Variants in MMS22L observed in about 807,000 individuals in gnomAD.
MMS22L encodes MMS22 like, DNA repair protein.
MMS22L carries 74 observed loss-of-function variants against 159.1 expected under a neutral mutation model. That is an observed-to-expected ratio of 0.47 (90% CI 0.39 to 0.56). The LOEUF is 0.56. Among genes scored for constraint, MMS22L ranks in the 20% least tolerant of loss-of-function variants. The probability of loss-of-function intolerance (pLI) is 0.00; values close to 1 mark genes in which losing one functional copy is unlikely to be tolerated. For missense variants in MMS22L, 1,351 were observed against 1,422.1 expected (o/e 0.95, Z 0.80); for synonymous variants, 517 against 506.9 (o/e 1.02, Z -0.27).
intron 9 of MMS22L, among the ~76,000 whole-genome samples, chr6:97,256,316 C>T (rs961322963): frequency 1.6e-4 from 24 of 152,078 alleles, no homozygotes; most frequent in African/African-American, 4.3e-4. Flanking sequence ...TTATGTCCTA[C>T]TCACTTTAGA....
At chr6:97,211,419 T>C (rs999753153) in intron 14 of MMS22L, among the ~76,000 whole-genome samples, 7 of 152,110 alleles carry the variant, frequency 4.6e-5, no homozygotes, top group African/African-American at 9.6e-5. Context: ...TTCTGTGTTA[T>C]AGGCTTTTCA....
At chr6:97,188,140 T>C (rs1171861210) in intron 14 of MMS22L, among the ~76,000 whole-genome samples, 1 of 152,184 alleles carries the variant, frequency 6.6e-6, no homozygotes, top group Non-Finnish European at 1.5e-5. Flanking sequence ...ACCACTAAAA[T>C]CTATCTGGCA....
chr6:97,165,599 G>C (rs1039944248), intron 20 of MMS22L, 142 bp from the exon 21 acceptor site: 14 of 706,378 alleles, frequency 2.0e-5, no homozygotes, highest in Non-Finnish European at 3.0e-5. Flanking sequence ...GTAATCCACA[G>C]ATAATGTACA....
Position 97,146,658 on chromosome 6 carries a change from AT to A in MMS22L, c.*147del, listed in dbSNP as rs918020539. On this transcript the variant is annotated 3_prime_UTR_variant, in exon 25 of 25. Coordinates refer to ENST00000683635, the MANE Select transcript of MMS22L (RefSeq NM_001350599.2). ...TTAACCTTCAGTTCCTTATTTATAC[AT>A]TTTTTACTTACAGATATAAAAGGAA... 4.1e-6 allele frequency: 2 copies of A among 488,578 alleles called. No individual in the cohort carries two copies. Among genetic ancestry groups the A allele is most frequent in the East Asian group, 3.8e-5 (1 of 26,124 alleles). The allele number at this position is 488,578 out of a possible 1,614,324, so 30.3% of individuals were successfully genotyped here.
chr6:97,233,388 C>T (rs1278666389), intron 12 of MMS22L, among the ~76,000 whole-genome samples: 1 of 152,090 alleles, frequency 6.6e-6, no homozygotes, highest in Non-Finnish European at 1.5e-5. Flanking sequence ...ATTATGACCT[C>T]ATGAAGTCTT....
chr6:97,173,480 G>A (rs1433261552), intron 18 of MMS22L, among the ~76,000 whole-genome samples: 1 of 151,808 alleles, frequency 6.6e-6, no homozygotes, highest in Non-Finnish European at 1.5e-5. Context: ...TAGAAGGGCC[G>A]ACTTAGCAAA....
At chr6:97,166,048 T>C (rs1348539006) in intron 20 of MMS22L, among the ~76,000 whole-genome samples, 1 of 152,168 alleles carries the variant, frequency 6.6e-6, no homozygotes, top group Non-Finnish European at 1.5e-5. Flanking sequence ...TTAGTAATAT[T>C]GTATCTCCAT....
intron 14 of MMS22L, among the ~76,000 whole-genome samples, chr6:97,201,548 C>T (rs962847854): frequency 6.6e-6 from 1 of 152,168 alleles, no homozygotes; most frequent in African/African-American, 2.4e-5. Flanking sequence ...TCTGCCTGGT[C>T]GTGTTAACAG....
intron 12 of MMS22L, among the ~76,000 whole-genome samples, chr6:97,232,520 T>A (rs1810977368): frequency 6.6e-6 from 1 of 152,172 alleles, no homozygotes; most frequent in Non-Finnish European, 1.5e-5. Flanking sequence ...TATGTTTTAA[T>A]CTATTGCAGT....
At chr6:97,246,182 T>C (rs1180089978) in intron 11 of MMS22L, 1 of 453,666 alleles carries the variant, frequency 2.2e-6, no homozygotes, top group Non-Finnish European at 4.4e-6. Context: ...TGATAAGGTA[T>C]GAAACGAATG....
chr6:97,233,978 A>G lies in MMS22L; in HGVS notation c.1185T>C (p.Gly395=). 6.2e-7 allele frequency: 1 copy of G among 1,603,904 alleles called. No homozygotes were observed. The highest frequency in any genetic ancestry group is 1.7e-5 in the Admixed American group (1 of 57,640). ...ELLKKSISVQ[G]VILEEQLRMY... ...TTCGTAATTGTTCTTCTAGAATGAC[A>G]CCCTAAAAAATAAACTGAAGTTATG... Residue 395 remains glycine, a splice_region_variant and synonymous_variant, in exon 12 of 25, where the codon GGT becomes GGC. Transcript: ENST00000683635.
chr6:97,146,692 C>T lies in MMS22L; in HGVS notation c.*114G>A. On this transcript the variant is annotated 3_prime_UTR_variant, in exon 25 of 25. Transcript: ENST00000683635. ...TTACAGATATAAAAGGAAAAAAAAT[C>T]CTAGAAATTATTTTAAACAGAACAT... The T allele has an allele frequency of 1.5e-6, 1 of 670,516 alleles. No homozygotes were observed. The highest frequency in any genetic ancestry group is 2.3e-6 in the Non-Finnish European group (1 of 437,112). The allele number at this position is 670,516 out of a possible 1,614,324, so 41.5% of individuals were successfully genotyped here.
At chr6:97,281,993 A>T (rs1188707581) in intron 2 of MMS22L, among the ~76,000 whole-genome samples, 1 of 152,094 alleles carries the variant, frequency 6.6e-6, no homozygotes, top group Non-Finnish European at 1.5e-5. Flanking sequence ...ATATTATCAC[A>T]CTCTTTAGAA....
chr6:97,252,476 C>T (rs1388011743), intron 10 of MMS22L, among the ~76,000 whole-genome samples: 1 of 151,722 alleles, frequency 6.6e-6, no homozygotes, highest in East Asian at 1.9e-4. Flanking sequence ...GAAACCCCAT[C>T]TCTACTAAAA....
chr6:97,203,571 G>C (rs1807416390), intron 14 of MMS22L, among the ~76,000 whole-genome samples: 1 of 152,186 alleles, frequency 6.6e-6, no homozygotes, highest in Non-Finnish European at 1.5e-5. Flanking sequence ...ATCTCATTTA[G>C]ACCTGAGCTG....
chr6:97,244,284 T>C (rs897174957), intron 11 of MMS22L, among the ~76,000 whole-genome samples: 7 of 152,176 alleles, frequency 4.6e-5, no homozygotes, highest in African/African-American at 1.7e-4. Context: ...TGCATAAGTA[T>C]TCAGGTTTCT....
intron 14 of MMS22L, among the ~76,000 whole-genome samples, chr6:97,219,260 T>A (rs1809367725): frequency 6.6e-6 from 1 of 152,152 alleles, no homozygotes; most frequent in South Asian, 2.1e-4. Context: ...GACATGAAGC[T>A]TCTTGACATG....
In MMS22L at chr6:97,231,381, C is replaced by T; in HGVS notation, c.1529+45G>A. On this transcript the variant is annotated intron_variant, in intron 13 of 24. Transcript: ENST00000683635. ...ACAAAATACAAATAGTAACACCTAT[C>T]CAAAGATATCAGTGCACACTCATGA... The T allele has an allele frequency of 2.2e-6, 3 of 1,366,800 alleles. No individual in the cohort carries two copies. The Middle Eastern group carries it at 5.4e-4, about 245-fold the overall frequency. The allele number at this position is 1,366,800 out of a possible 1,614,324, so 84.7% of individuals were successfully genotyped here. A position where few individuals can be genotyped will look rare whatever the true frequency, so the allele number is the denominator to read the frequency against.
At chr6:97,166,912 A>C (rs1803014061) in intron 20 of MMS22L, among the ~76,000 whole-genome samples, 2 of 152,076 alleles carry the variant, frequency 1.3e-5, no homozygotes, top group South Asian at 4.1e-4. Flanking sequence ...ACTAAACTTC[A>C]TTTTAAATGC....
Sources: gnomAD v4.1 joint callset for allele counts (sites outside exome capture counted in the v4.1 genomes callset) on GRCh38, gnomAD v4.1.1 for gene constraint, MANE v1.5 for transcripts, NCBI Gene and HGNC (gene_info 2026-07-23, HGNC 2026-07-21) for gene names.